Variants in DPP6 observed in about 807,000 individuals in gnomAD.
The protein encoded by DPP6 is dipeptidyl peptidase like 6.
In DPP6, 69 loss-of-function variants were observed where a neutral mutation model predicts 122.6. The observed-to-expected ratio is 0.56, with a 90% CI of 0.46 to 0.69. The LOEUF is 0.69. DPP6 is among the 30% of genes least tolerant of loss of function. The pLI, the probability that DPP6 is intolerant of heterozygous loss-of-function variation, is 0.00. For synonymous variants in DPP6, 418 were observed against 433.1 expected (o/e 0.97, Z 0.43); for missense variants, 928 against 1,116.9 (o/e 0.83, Z 2.41).
chr7:153,849,570 C>A, the DPP6 span, among the ~76,000 whole-genome samples: 5 of 151,934 alleles, frequency 3.3e-5, no homozygotes, highest in Non-Finnish European at 4.4e-5. Flanking sequence ...TTTTGAAATG[C>A]CATAAAAACT....
At chr7:153,823,826 T>C in the DPP6 span, among the ~76,000 whole-genome samples, 144 of 152,190 alleles carry the variant, frequency 9.5e-4, no homozygotes, top group African/African-American at 3.3e-3. Context: ...GAAATAATTA[T>C]GTCTGTTTTC....
intron 3 of DPP6, among the ~76,000 whole-genome samples, chr7:154,499,325 C>G (rs113311647): frequency 2.4e-3 from 372 of 152,274 alleles, no homozygotes; most frequent in African/African-American, 8.1e-3. Context: ...GCACTGCCCC[C>G]CTGCCTTCTA....
intron 5 of DPP6, among the ~76,000 whole-genome samples, chr7:154,595,976 G>T (rs1027998304): frequency 6.6e-6 from 1 of 152,150 alleles, no homozygotes; most frequent in Non-Finnish European, 1.5e-5. Flanking sequence ...CAGGAGAATC[G>T]CTTGAACCCA....
chr7:154,085,627 AC>A (rs1804352663), intron 1 of DPP6, among the ~76,000 whole-genome samples: 1 of 152,122 alleles, frequency 6.6e-6, no homozygotes, highest in Non-Finnish European at 1.5e-5. Context: ...TGAGAAACTG[AC>A]CCTGAAATTA....
At chr7:154,766,698 T>C (rs1795921397) in intron 8 of DPP6, among the ~76,000 whole-genome samples, 1 of 152,238 alleles carries the variant, frequency 6.6e-6, no homozygotes, top group Non-Finnish European at 1.5e-5. Context: ...CACTCTGGCA[T>C]TTGCTGATAA....
chr7:154,696,734 ATG>A (rs1421864896), intron 7 of DPP6, among the ~76,000 whole-genome samples: 4 of 152,188 alleles, frequency 2.6e-5, no homozygotes, highest in Non-Finnish European at 5.9e-5. Flanking sequence ...GCTTATGAGG[ATG>A]TGACTCATAC....
At chr7:154,669,608 G>A (rs750838697) in intron 7 of DPP6, among the ~76,000 whole-genome samples, 167 bp downstream of exon 7, 4 of 152,020 alleles carry the variant, frequency 2.6e-5, no homozygotes, top group Non-Finnish European at 5.9e-5. Flanking sequence ...GTCTGAATAT[G>A]TAAAAGGGTC....
At chr7:154,195,164 C>T (rs541949290) in intron 1 of DPP6, among the ~76,000 whole-genome samples, 24 of 152,030 alleles carry the variant, frequency 1.6e-4, no homozygotes, top group Non-Finnish European at 2.9e-4. Flanking sequence ...GTATGAAGTA[C>T]GGGTTGAAGT....
At chr7:154,658,918 C>T (rs754914137) in intron 6 of DPP6, among the ~76,000 whole-genome samples, 4 of 152,082 alleles carry the variant, frequency 2.6e-5, no homozygotes, top group African/African-American at 4.8e-5. Context: ...GAGGTAGATT[C>T]GGCATAAAAC....
chr7:154,770,044 G>C (rs1796163059), intron 9 of DPP6, among the ~76,000 whole-genome samples: 1 of 152,176 alleles, frequency 6.6e-6, no homozygotes, highest in African/African-American at 2.4e-5. Flanking sequence ...AACCCCCAAG[G>C]TGATGGTATT....
chr7:153,978,204 C>G (rs1796407606), intron 1 of DPP6, among the ~76,000 whole-genome samples: 1 of 152,352 alleles, frequency 6.6e-6, no homozygotes, highest in African/African-American at 2.4e-5. Context: ...CCCACATCCT[C>G]TCCAGCATCT....
intron 5 of DPP6, among the ~76,000 whole-genome samples, chr7:154,609,219 A>G (rs1183720173): frequency 1.3e-5 from 2 of 152,248 alleles, no homozygotes; most frequent in Non-Finnish European, 2.9e-5. Context: ...TGTACGTAAT[A>G]GGAGGGTATT....
Position 154,892,681 on chromosome 7 carries a change from C to A in DPP6, c.*201C>A. 2 of 1,118,434 alleles carry A rather than the reference C, an allele frequency of 1.8e-6. No individual in the cohort carries two copies. Among genetic ancestry groups the A allele is most frequent in the Non-Finnish European group, 2.7e-6 (2 of 754,458 alleles). The allele number at this position is 1,118,434 out of a possible 1,614,324, so 69.3% of individuals were successfully genotyped here. On this transcript the variant is annotated 3_prime_UTR_variant, in exon 26 of 26. Coordinates refer to ENST00000377770, the MANE Select transcript of DPP6 (RefSeq NM_130797.4). ...GGGTCATCACTCACGGCCTCCATGGCACCAGGGACAACGCTGTCCCCGCAG... is the reference window on the plus strand; with the variant it reads ...GGGTCATCACTCACGGCCTCCATGGAACCAGGGACAACGCTGTCCCCGCAG...
intron 1 of DPP6, among the ~76,000 whole-genome samples, chr7:154,066,961 C>G (rs1331408400): frequency 1.4e-5 from 2 of 147,232 alleles, no homozygotes; most frequent in East Asian, 4.0e-4. Flanking sequence ...AGCCACTTGC[C>G]CCATATGGCT....
intron 1 of DPP6, among the ~76,000 whole-genome samples, chr7:154,042,648 G>A (rs1585218546): frequency 6.6e-6 from 1 of 152,316 alleles, no homozygotes; most frequent in African/African-American, 2.4e-5. Flanking sequence ...TGAGCTAAAA[G>A]TCACCGAATC....
At chr7:154,586,503 A>G (rs1832459948) in intron 5 of DPP6, among the ~76,000 whole-genome samples, 1 of 152,026 alleles carries the variant, frequency 6.6e-6, no homozygotes, top group Non-Finnish European at 1.5e-5. Flanking sequence ...TGCAAGAGGA[A>G]TACAGAGTTG....
Position 154,582,134 on chromosome 7 carries a change from C to T in DPP6, c.627+15218C>T, listed in dbSNP as rs563641137. ...GGGACCAGCCACCACCTGCACTCCT[C>T]GTCCTGGTGGAAACAGTCTGAGTGC... On this transcript the variant is annotated intron_variant, in intron 5 of 25. Coordinates refer to ENST00000377770, the MANE Select transcript of DPP6 (RefSeq NM_130797.4). Among the ~76,000 whole-genome samples the T allele has an allele frequency of 6.6e-5, 10 of 152,308 alleles. No homozygotes were observed. In the South Asian group the frequency reaches 1.5e-3, roughly 22 times the overall value.
intron 10 of DPP6, among the ~76,000 whole-genome samples, chr7:154,778,056 C>G (rs1437601688): frequency 6.6e-6 from 1 of 152,160 alleles, no homozygotes; most frequent in African/African-American, 2.4e-5. Context: ...CCCTCGCCAC[C>G]TCATAGGCAC....
chr7:153,954,522 C>G (rs1802367608), intron 1 of DPP6, among the ~76,000 whole-genome samples: 1 of 152,216 alleles, frequency 6.6e-6, no homozygotes, highest in Non-Finnish European at 1.5e-5. Context: ...TAATTTTATG[C>G]ATCCACTTGG....
Sources: allele counts gnomAD v4.1 joint callset (sites outside exome capture counted in the v4.1 genomes callset), GRCh38; gene constraint gnomAD v4.1.1; transcripts MANE v1.5; gene names NCBI Gene and HGNC (gene_info 2026-07-23, HGNC 2026-07-21).